PRMT3: variants seen among roughly 807,000 people sequenced by gnomAD.
PRMT3 encodes the protein protein arginine N-methyltransferase 3.
A neutral mutation model predicts 71.9 loss-of-function variants in PRMT3; 62 were observed. That is an observed-to-expected ratio of 0.86 (90% CI 0.70 to 1.07). PRMT3 has a LOEUF of 1.07. Ranked by LOEUF, PRMT3 falls within the 50% of genes least tolerant of loss-of-function variation. The pLI is 0.00. For missense variants in PRMT3, 663 were observed against 643.0 expected, an observed-to-expected ratio of 1.03 and a Z score of -0.34; for synonymous variants, 213 against 220.4, an observed-to-expected ratio of 0.97 and a Z score of 0.30.
intron 15 of PRMT3, among the ~76,000 whole-genome samples, chr11:20,497,952 G>A (rs1192850702): frequency 6.6e-6 from 1 of 152,164 alleles, no homozygotes; most frequent in African/African-American, 2.4e-5. Flanking sequence ...AGACCCAGAA[G>A]TGATGAAATT....
chr11:20,483,620 G>A (rs541264627), intron 13 of PRMT3, among the ~76,000 whole-genome samples: 150 of 151,824 alleles, frequency 9.9e-4, no homozygotes, highest in African/African-American at 3.5e-3. Flanking sequence ...AACACTATGT[G>A]TGGGCTTCTG....
intron 13 of PRMT3, among the ~76,000 whole-genome samples, chr11:20,475,043 G>C (rs1429497715): frequency 4.6e-5 from 7 of 152,266 alleles, no homozygotes; most frequent in African/African-American, 1.7e-4. Context: ...GAAGGGGTAG[G>C]CTGCAAGCTG....
chr11:20,446,436 C>G (rs1850031593), intron 10 of PRMT3, among the ~76,000 whole-genome samples: 1 of 151,390 alleles, frequency 6.6e-6, no homozygotes, highest in South Asian at 2.1e-4. Flanking sequence ...TGGCCAATAT[C>G]TTTTCAGACT....
At chr11:20,457,179 C>A (rs919449283) in intron 11 of PRMT3, among the ~76,000 whole-genome samples, 13 of 152,132 alleles carry the variant, frequency 8.5e-5, no homozygotes, top group African/African-American at 3.1e-4. Context: ...TTGCTCAGAG[C>A]AAAATAAGCT....
At chr11:20,388,892 G>A (rs184583558) in intron 2 of PRMT3, among the ~76,000 whole-genome samples, 86 of 152,288 alleles carry the variant, frequency 5.6e-4, no homozygotes, top group African/African-American at 2.0e-3. Flanking sequence ...GGCATTGGCC[G>A]GTGTTACTTT....
chr11:20,468,349 C>T (rs959512432), intron 13 of PRMT3, among the ~76,000 whole-genome samples: 18 of 151,922 alleles, frequency 1.2e-4, no homozygotes, highest in Admixed American at 4.6e-4. Flanking sequence ...ATATGTATAA[C>T]GTGGTTTTTG....
chr11:20,392,564 A>G (rs1848737787), intron 4 of PRMT3, among the ~76,000 whole-genome samples: 1 of 152,112 alleles, frequency 6.6e-6, no homozygotes, highest in Non-Finnish European at 1.5e-5. Flanking sequence ...AATAATTTCT[A>G]ATGTGATTTT....
chr11:20,469,007 A>C (rs1850580646), intron 13 of PRMT3, among the ~76,000 whole-genome samples: 1 of 152,198 alleles, frequency 6.6e-6, no homozygotes, highest in African/African-American at 2.4e-5. Context: ...TGAATCTTGA[A>C]TCATCTATAA....
rs1851410012 is a variant in PRMT3 at position 20,499,549 on chromosome 11, C to T, written c.1486+5295C>T. Among the ~76,000 whole-genome samples the T allele has an allele frequency of 2.0e-5, 3 of 152,068 alleles. No homozygotes were observed. In the South Asian group the frequency reaches 6.2e-4, roughly 32 times the overall value. ...GGCTGAGGCAGGAGGATTGCTTAAG[C>T]CCAGGAGGTCCAGGCTGTGGTGAGC... On this transcript the variant is annotated intron_variant, in intron 15 of 15. Coordinates refer to ENST00000331079, the MANE Select transcript of PRMT3 (RefSeq NM_005788.4).
chr11:20,463,541 C>A (rs1237069511), intron 12 of PRMT3, among the ~76,000 whole-genome samples: 2 of 150,298 alleles, frequency 1.3e-5, no homozygotes, highest in African/African-American at 2.4e-5. Flanking sequence ...AAAATTTAGA[C>A]CTGAAAATAA....
At chr11:20,478,403 A>G (rs1447396420) in intron 13 of PRMT3, among the ~76,000 whole-genome samples, 1 of 152,148 alleles carries the variant, frequency 6.6e-6, no homozygotes, top group Non-Finnish European at 1.5e-5. Context: ...AGTAAAGGTA[A>G]ATTTCATGTT....
intron 10 of PRMT3, among the ~76,000 whole-genome samples, chr11:20,449,442 A>G (rs1850100984): frequency 6.6e-6 from 1 of 152,174 alleles, no homozygotes; most frequent in Admixed American, 6.5e-5. Flanking sequence ...AATTAGACAA[A>G]TCAATTTAAG....
At chr11:20,405,109 C>T (rs192631261) in intron 8 of PRMT3, among the ~76,000 whole-genome samples, 1 of 152,022 alleles carries the variant, frequency 6.6e-6, no homozygotes, top group East Asian at 1.9e-4. Flanking sequence ...CCCTTCCCAG[C>T]CTCCTTTTCT....
intron 13 of PRMT3, among the ~76,000 whole-genome samples, chr11:20,483,316 T>C (rs1477702435): frequency 9.9e-5 from 15 of 152,132 alleles, no homozygotes; most frequent in Admixed American, 9.2e-4. Context: ...AATATTAAAA[T>C]ATAATGTTTA....
chr11:20,445,252 G>A (rs930251394), intron 10 of PRMT3, among the ~76,000 whole-genome samples: 3 of 151,758 alleles, frequency 2.0e-5, no homozygotes, highest in African/African-American at 7.3e-5. Flanking sequence ...GTGATTATTT[G>A]CCTTTTTGTT....
In PRMT3 at chr11:20,481,603, A is replaced by AT. The variant is rs769563424; in HGVS notation, c.1348-12312dup. 5.9e-5 allele frequency among the ~76,000 whole-genome samples: 9 copies of AT among 152,148 alleles called. No homozygotes were observed. The East Asian group carries it at 1.2e-3, about 20-fold the overall frequency. On this transcript the variant is annotated intron_variant, in intron 13 of 15. Transcript: ENST00000331079. ...AGTCTCTAAAATGACATCTTAAGAG[A>AT]TTTTCCAAGGTAATTTTGAGATTTT...
intron 9 of PRMT3, among the ~76,000 whole-genome samples, chr11:20,419,660 G>T (rs1376746595): frequency 6.6e-6 from 1 of 152,040 alleles, no homozygotes; most frequent in Non-Finnish European, 1.5e-5. Flanking sequence ...TGAAGTGGTG[G>T]TCCAGTTTTG....
intron 9 of PRMT3, among the ~76,000 whole-genome samples, chr11:20,409,631 C>T (rs1407334272): frequency 1.5e-5 from 2 of 137,770 alleles, no homozygotes; most frequent in Admixed American, 7.4e-5. Flanking sequence ...TTTGTGGTTG[C>T]GATTTTTGTA....
At chr11:20,470,037 T>C (rs997291465) in intron 13 of PRMT3, among the ~76,000 whole-genome samples, 7 of 152,172 alleles carry the variant, frequency 4.6e-5, no homozygotes, top group African/African-American at 7.2e-5. Flanking sequence ...AGTCTTGTCA[T>C]TGTGCAAATA....
Sources: gnomAD v4.1 joint callset for allele counts (sites outside exome capture counted in the v4.1 genomes callset) on GRCh38, gnomAD v4.1.1 for gene constraint, MANE v1.5 for transcripts, NCBI Gene and HGNC (gene_info 2026-07-23, HGNC 2026-07-21) for gene names.